The following DENND4C variants were observed in gnomAD, a reference collection of about 807,000 sequenced individuals.
DENND4C encodes the protein DENN domain-containing protein 4C.
Under a neutral mutation model 203.0 loss-of-function variants are expected in DENND4C, and 108 were observed. That is an observed-to-expected ratio of 0.53 (90% CI 0.46 to 0.62). The LOEUF (loss-of-function observed/expected upper bound fraction) is 0.62. DENND4C is among the 20% of genes least tolerant of loss of function. DENND4C has a pLI of 0.00. For synonymous variants in DENND4C, 871 were observed against 792.4 expected (o/e 1.10, Z -1.67); for missense variants, 2,481 against 2,301.2 (o/e 1.08, Z -1.60).
rs1836175215 is a variant in DENND4C at position 19,290,980 on chromosome 9, A to G, written c.801+104A>G. 5 of 1,216,834 alleles carry G rather than the reference A, an allele frequency of 4.1e-6. No homozygotes were observed. The Admixed American group carries it at 1.4e-4, about 33-fold the overall frequency. The allele number at this position is 1,216,834 out of a possible 1,614,324, so 75.4% of individuals were successfully genotyped here. A position where few individuals can be genotyped will look rare whatever the true frequency, so the allele number is the denominator to read the frequency against. Reference sequence around the variant, plus strand: ...AATGTTAGGATTATTTGGACATGATACATTTTGGTTTAAATTTACACTGTC... The same window carrying G: ...AATGTTAGGATTATTTGGACATGATGCATTTTGGTTTAAATTTACACTGTC... On this transcript the variant is annotated intron_variant, in intron 5 of 32. Transcript: ENST00000434457.
chr9:19,358,039 G>A lies in DENND4C; in HGVS notation c.5039G>A (p.Arg1680Gln), dbSNP rs771420702. The change falls in exon 28 of 33, where the codon CGA (arginine) becomes CAA (glutamine). Residue 1680 changes from arginine (R) to glutamine (Q), a missense_variant. Arg to Gln is a conservative substitution (Grantham distance 43). This residue lies in a region of DENND4C where 2,289 missense variants were observed against 2,113.3 expected (regional missense o/e 1.08). Coordinates refer to ENST00000434457, the MANE Select transcript of DENND4C (RefSeq NM_001330640.2). The surrounding 1 kb of genome is among the most constrained non-coding windows in gnomAD (Gnocchi z 4.8). ...ISSVPNSLSK[R>Q]NVSLTRSHSV... ...TCTGTGCCTAATAGTTTATCAAAGC[G>A]AAATGTGTCTTTGACTCGAAGTCAC... 5.0e-6 allele frequency: 8 copies of A among 1,613,766 alleles called. No homozygotes were observed. The highest frequency in any genetic ancestry group is 2.2e-5 in the South Asian group (2 of 91,048).
chr9:19,342,836 T>C, intron 22 of DENND4C, 57 bp downstream of exon 22: 1 of 1,369,330 alleles, frequency 7.3e-7, no homozygotes. Context: ...TAGACTCATA[T>C]GTGTCTTTAA....
chr9:19,327,585 AGC>A (rs1818089715), intron 15 of DENND4C, among the ~76,000 whole-genome samples: 1 of 152,096 alleles, frequency 6.6e-6, no homozygotes, highest in African/African-American at 2.4e-5. Flanking sequence ...AATAATGTCC[AGC>A]AGTGAAAAAC....
intron 19 of DENND4C, 69 bp downstream of exon 19, chr9:19,336,483 C>G (rs775122790): frequency 1.3e-5 from 20 of 1,521,272 alleles, no homozygotes; most frequent in Non-Finnish European, 1.7e-5. Context: ...GAATTTTTAG[C>G]TATGTGAAGT....
chr9:19,285,564 T>C (rs1835023062), intron 2 of DENND4C, among the ~76,000 whole-genome samples: 1 of 147,776 alleles, frequency 6.8e-6, no homozygotes, highest in Non-Finnish European at 1.5e-5. Context: ...TCACTGTATG[T>C]GGTCTTTGTG....
At chr9:19,275,621 C>G (rs2130905382) in intron 1 of DENND4C, among the ~76,000 whole-genome samples, 1 of 152,152 alleles carries the variant, frequency 6.6e-6, no homozygotes, top group South Asian at 2.1e-4. Flanking sequence ...TAGGCGCCCC[C>G]CACCAGGCTC....
intron 16 of DENND4C, among the ~76,000 whole-genome samples, chr9:19,331,727 T>C (rs913815920): frequency 1.3e-5 from 2 of 152,226 alleles, no homozygotes; most frequent in Non-Finnish European, 2.9e-5. Flanking sequence ...TTGCTCTTAA[T>C]TTCTACTCTG....
In DENND4C at chr9:19,346,816, G is replaced by A. The variant is rs776824741; in HGVS notation, c.4047G>A (p.Val1349=). 3 of 1,614,186 alleles carry A rather than the reference G, an allele frequency of 1.9e-6. No individual in the cohort carries two copies. The highest frequency in any genetic ancestry group is 2.5e-6 in the Non-Finnish European group (3 of 1,180,028). Residue 1349 remains valine (V), a synonymous_variant, in exon 23 of 33, where the codon GTG becomes GTA. Transcript: ENST00000434457. ...NPESEKSSPA[V]SRSKTFTGRF... ...AAAGTGAAAAGAGCTCACCTGCAGT[G>A]TCCAGGTCTAAAACTTTTACTGGGC... is the stretch of plus-strand genomic sequence containing the variant.
At chr9:19,290,968 T>G in intron 5 of DENND4C, 92 bp downstream of exon 5, 4 of 1,281,914 alleles carry the variant, frequency 3.1e-6, no homozygotes, top group Non-Finnish European at 4.3e-6. Context: ...GTTAGGATTA[T>G]TTGGACATGA....
intron 3 of DENND4C, among the ~76,000 whole-genome samples, chr9:19,287,662 G>C (rs541142268): frequency 1.3e-5 from 2 of 151,938 alleles, no homozygotes; most frequent in African/African-American, 4.8e-5. Context: ...TTGTTTTTGA[G>C]ACAGGGTCTC....
chr9:19,370,186 G>A (rs969256559), intron 31 of DENND4C, 199 bp downstream of exon 31: 44 of 605,972 alleles, frequency 7.3e-5, no homozygotes, highest in South Asian at 9.8e-5. Context: ...GGCTTGGCAC[G>A]GTGGCTCACA....
rs568693841 is a variant in DENND4C, at chr9:19,345,817, A to T, written c.3152-104A>T. On this transcript the variant is annotated intron_variant, in intron 22 of 32. Coordinates refer to ENST00000434457, the MANE Select transcript of DENND4C (RefSeq NM_001330640.2). ...GGCCTCTAAATTTTCTGGATCTTTT[A>T]TTCTGAGTATATGTCACATTCATAA... is the stretch of plus-strand genomic sequence containing the variant. 1.3e-3 allele frequency: 1,429 copies of T among 1,084,580 alleles called. 22 individuals carry two copies. The highest frequency in any genetic ancestry group is 2.1e-4 in the Non-Finnish European group (165 of 786,970). The allele number at this position is 1,084,580 out of a possible 1,614,324, so 67.2% of individuals were successfully genotyped here. A position where few individuals can be genotyped will look rare whatever the true frequency, so the allele number is the denominator to read the frequency against.
chr9:19,368,165 C>A (rs1277240062), intron 30 of DENND4C, among the ~76,000 whole-genome samples: 1 of 151,656 alleles, frequency 6.6e-6, no homozygotes, highest in Non-Finnish European at 1.5e-5. Flanking sequence ...AAGATTAACA[C>A]TATTCAAAGT....
intron 1 of DENND4C, among the ~76,000 whole-genome samples, chr9:19,261,443 G>GT (rs1166068139): frequency 8.6e-6 from 1 of 115,608 alleles, no homozygotes; most frequent in Non-Finnish European, 1.8e-5. Flanking sequence ...AGATTGTGTA[G>GT]TATGGACTTT....
intron 17 of DENND4C, among the ~76,000 whole-genome samples, 200 bp downstream of exon 17, chr9:19,332,384 TCTCA>T (rs1255285911): frequency 6.6e-6 from 1 of 152,044 alleles, no homozygotes. Flanking sequence ...TGTGACAGAG[TCTCA>T]CTCTGTCACC....
At chr9:19,342,584 T>G in intron 21 of DENND4C, 49 bp from the exon 22 acceptor site, 1 of 1,539,474 alleles carries the variant, frequency 6.5e-7, no homozygotes, top group African/African-American at 1.4e-5. Flanking sequence ...TGGTTTCTGT[T>G]TAATATTGGC....
At chr9:19,277,301 T>C (rs540005556) in intron 2 of DENND4C, among the ~76,000 whole-genome samples, 11 of 152,336 alleles carry the variant, frequency 7.2e-5, no homozygotes, top group African/African-American at 2.4e-4. Flanking sequence ...CTTTACAATA[T>C]TAAACGATTC....
intron 1 of DENND4C, among the ~76,000 whole-genome samples, chr9:19,269,519 C>T (rs1564103898): frequency 6.6e-6 from 1 of 152,170 alleles, no homozygotes; most frequent in Admixed American, 6.5e-5. Context: ...TCTGCTAAAT[C>T]AATTCTGCTG....
At chr9:19,366,477 A>G (rs1827708028) in intron 30 of DENND4C, among the ~76,000 whole-genome samples, 1 of 152,076 alleles carries the variant, frequency 6.6e-6, no homozygotes, top group Non-Finnish European at 1.5e-5. Flanking sequence ...GGTGGCGGGT[A>G]CCTGTAGTCC....
Sources: allele counts gnomAD v4.1 joint callset (sites outside exome capture counted in the v4.1 genomes callset), GRCh38; gene constraint gnomAD v4.1.1; regional missense constraint gnomAD v4.1.1; non-coding constraint Gnocchi (gnomAD v3.1); transcripts MANE v1.5; gene names NCBI Gene and HGNC (gene_info 2026-07-23, HGNC 2026-07-21).